Variants in AGMO observed in about 807,000 individuals in gnomAD.
AGMO encodes the protein alkylglycerol monooxygenase, also known as glyceryl-ether monooxygenase.
In AGMO, 75 loss-of-function variants were observed where a neutral mutation model predicts 60.2. The observed-to-expected ratio is 1.25, with a 90% CI of 1.03 to 1.51. AGMO has a LOEUF of 1.51. AGMO is among the 40% of genes most tolerant of loss of function. The probability of loss-of-function intolerance (pLI) is 0.00; values close to 1 mark genes in which losing one functional copy is unlikely to be tolerated. For missense variants in AGMO, 763 were observed against 525.5 expected, an observed-to-expected ratio of 1.45 and a Z score of -4.42; for synonymous variants, 261 against 177.1, an observed-to-expected ratio of 1.47 and a Z score of -3.76.
intron 3 of AGMO, among the ~76,000 whole-genome samples, chr7:15,515,020 T>G (rs1285695201): frequency 6.6e-6 from 1 of 152,228 alleles, no homozygotes; most frequent in African/African-American, 2.4e-5. Context: ...TTTCTGCATT[T>G]TCTCTACTCA....
At chr7:15,289,004 C>G (rs1295734502) in intron 12 of AGMO, among the ~76,000 whole-genome samples, 1 of 151,774 alleles carries the variant, frequency 6.6e-6, no homozygotes, top group Non-Finnish European at 1.5e-5. Flanking sequence ...TGTTCTATTA[C>G]CTGACATTTT....
intron 12 of AGMO, among the ~76,000 whole-genome samples, chr7:15,344,862 G>C (rs1345328833): frequency 6.6e-6 from 1 of 152,084 alleles, no homozygotes; most frequent in Non-Finnish European, 1.5e-5. Flanking sequence ...CATTTTATCT[G>C]AATGCGTTAC....
intron 12 of AGMO, among the ~76,000 whole-genome samples, chr7:15,315,619 G>T (rs894210369): frequency 9.9e-5 from 15 of 152,000 alleles, no homozygotes; most frequent in African/African-American, 3.6e-4. Flanking sequence ...ACTGTGCCCA[G>T]CCATTTGCTG....
At chr7:15,461,762 G>A (rs985364777) in intron 3 of AGMO, among the ~76,000 whole-genome samples, 1 of 151,990 alleles carries the variant, frequency 6.6e-6, no homozygotes, top group Non-Finnish European at 1.5e-5. Flanking sequence ...GAGTCTTTGG[G>A]GGGCTGAAAA....
At position 15,460,106 on chromosome 7, in the gene AGMO, C is replaced by CTTTT. The variant is rs67388173; in HGVS notation, c.410-29002_410-28999dup. Among the ~76,000 whole-genome samples, 16 of 121,674 alleles carry CTTTT rather than the reference C, an allele frequency of 1.3e-4. 2 individuals carry two copies. The highest frequency in any genetic ancestry group is 9.8e-5 in the African/African-American group (3 of 30,562). The allele number at this position is 121,674 out of a possible 152,430, so 79.8% of individuals were successfully genotyped here. A position where few individuals can be genotyped will look rare whatever the true frequency, so the allele number is the denominator to read the frequency against. On this transcript the variant is annotated intron_variant, in intron 3 of 12. Transcript: ENST00000342526. The stretch of plus-strand genomic sequence containing the variant: ...AAAGTAATTATTTACCCAATTTCCC[C>CTTTT]TTTTTTTTTTGTTTTTTTGAGAAGG...
chr7:15,254,777 T>TG (rs564525420), intron 12 of AGMO, among the ~76,000 whole-genome samples: 9 of 144,670 alleles, frequency 6.2e-5, no homozygotes, highest in Non-Finnish European at 1.2e-4. Context: ...AAATCAGAGA[T>TG]GAAAAAGGGG....
At chr7:15,157,909 AACTT>A in the AGMO span, among the ~76,000 whole-genome samples, 6 of 152,270 alleles carry the variant, frequency 3.9e-5, no homozygotes, top group East Asian at 1.2e-3. Flanking sequence ...GTGTTTCAAA[AACTT>A]ACTTGTGAGT....
chr7:15,198,196 CGAGAGAGAGAGAGAGAGAGAGA>C (rs748392069), downstream of AGMO, among the ~76,000 whole-genome samples: 1,447 of 77,390 alleles, frequency 0.019, 23 homozygotes, highest in Middle Eastern at 0.06. Flanking sequence ...AGGGCTTTCC[CGAGAGAGAGAGAGAGAGAGAGA>C]GAGAGAGAGA....
At chr7:15,406,874 A>G (rs1784713498) in intron 5 of AGMO, among the ~76,000 whole-genome samples, 1 of 122,140 alleles carries the variant, frequency 8.2e-6, no homozygotes, top group Non-Finnish European at 1.7e-5. Flanking sequence ...GTTAGTGACA[A>G]CGGTGCCAGT....
At chr7:15,188,525 G>A in the AGMO span, among the ~76,000 whole-genome samples, 3 of 152,128 alleles carry the variant, frequency 2.0e-5, no homozygotes, top group African/African-American at 7.2e-5. Flanking sequence ...AGATTTATGA[G>A]CCAGATACAT....
intron 12 of AGMO, among the ~76,000 whole-genome samples, chr7:15,278,278 A>G (rs1031977606): frequency 2.5e-4 from 38 of 152,204 alleles, no homozygotes; most frequent in African/African-American, 8.2e-4. Flanking sequence ...GTGGGTGGGC[A>G]TTAGCTGAGG....
chr7:15,169,405 T>G, the AGMO span, among the ~76,000 whole-genome samples: 1 of 152,164 alleles, frequency 6.6e-6, no homozygotes, highest in Admixed American at 6.6e-5. Flanking sequence ...CATAGGTAGT[T>G]TGTGGGCAAT....
At chr7:15,531,355 ATTC>A (rs1784338748) in intron 3 of AGMO, among the ~76,000 whole-genome samples, 1 of 79,362 alleles carries the variant, frequency 1.3e-5, no homozygotes, top group African/African-American at 4.9e-5. Context: ...TTCTATATAT[ATTC>A]TATATATATA....
the AGMO span, among the ~76,000 whole-genome samples, chr7:15,171,402 AC>A: frequency 6.6e-6 from 1 of 152,106 alleles, no homozygotes; most frequent in Non-Finnish European, 1.5e-5. Context: ...ATCACCCACC[AC>A]AGTAGTATCT....
At chr7:15,199,799 A>G (rs564746822), downstream of AGMO, among the ~76,000 whole-genome samples, 2 of 152,222 alleles carry the variant, frequency 1.3e-5, no homozygotes, top group Non-Finnish European at 2.9e-5. Flanking sequence ...TAAATTAAGA[A>G]GTATAAAAAG....
At chr7:15,164,623 G>A in the AGMO span, among the ~76,000 whole-genome samples, 1 of 151,956 alleles carries the variant, frequency 6.6e-6, no homozygotes, top group African/African-American at 2.4e-5. Flanking sequence ...ATGAAAAAAT[G>A]CTCATCCTCA....
chr7:15,139,046 C>G, the AGMO span, among the ~76,000 whole-genome samples: 1 of 152,144 alleles, frequency 6.6e-6, no homozygotes, highest in African/African-American at 2.4e-5. Flanking sequence ...CTATCTGTGT[C>G]TTCCTATCTG....
chr7:15,311,356 A>C (rs928002940), intron 12 of AGMO, among the ~76,000 whole-genome samples: 2 of 152,140 alleles, frequency 1.3e-5, no homozygotes, highest in Admixed American at 1.3e-4. Context: ...AAAATCCAGG[A>C]AACATGCCAG....
At chr7:15,277,991 T>C (rs1377166540) in intron 12 of AGMO, among the ~76,000 whole-genome samples, 6 of 152,104 alleles carry the variant, frequency 3.9e-5, no homozygotes, top group African/African-American at 1.4e-4. Flanking sequence ...AAGTTTTACA[T>C]CCAAGATAGA....
Sources: gnomAD v4.1 joint callset for allele counts (sites outside exome capture counted in the v4.1 genomes callset) on GRCh38, gnomAD v4.1.1 for gene constraint, MANE v1.5 for transcripts, NCBI Gene and HGNC (gene_info 2026-07-23, HGNC 2026-07-21) for gene names.